The following SEPTIN14 variants were observed in gnomAD, a reference collection of about 807,000 sequenced individuals.
SEPTIN14 encodes septin-14.
A neutral mutation model predicts 53.6 loss-of-function variants in SEPTIN14; 40 were observed. That is an observed-to-expected ratio of 0.75 (90% CI 0.58 to 0.97). SEPTIN14 has a LOEUF of 0.97. SEPTIN14 is among the 50% of genes least tolerant of loss of function. SEPTIN14 has a pLI of 0.00. For missense variants in SEPTIN14, 471 were observed against 508.2 expected (o/e 0.93, Z 0.70); for synonymous variants, 138 against 166.8 (o/e 0.83, Z 1.33).
chr7:55,837,290 T>C (rs2116038008), intron 5 of SEPTIN14, among the ~76,000 whole-genome samples: 1 of 152,042 alleles, frequency 6.6e-6, no homozygotes, highest in South Asian at 2.1e-4. Context: ...TATTTTTTTG[T>C]ATTTTTTGTA....
intron 6 of SEPTIN14, among the ~76,000 whole-genome samples, chr7:55,822,375 A>G (rs1276919003): frequency 6.6e-6 from 1 of 152,224 alleles, no homozygotes; most frequent in African/African-American, 2.4e-5. Context: ...AAATTTCACC[A>G]AATTATTTTG....
At chr7:55,819,021 C>A in intron 7 of SEPTIN14, 106 bp downstream of exon 7, 1 of 673,652 alleles carries the variant, frequency 1.5e-6, no homozygotes, top group South Asian at 1.8e-5. Context: ...TACAGATTAG[C>A]AAGAGTTACC....
At chr7:55,800,297 G>T (rs529077535) in intron 9 of SEPTIN14, among the ~76,000 whole-genome samples, 20 of 152,156 alleles carry the variant, frequency 1.3e-4, no homozygotes, top group Admixed American at 1.3e-3. Flanking sequence ...AACTTCACAC[G>T]TTCTCACTTA....
chr7:55,801,020 T>C (rs973374770), intron 9 of SEPTIN14, among the ~76,000 whole-genome samples: 28 of 151,940 alleles, frequency 1.8e-4, no homozygotes, highest in African/African-American at 6.5e-4. Context: ...CAAATGAAGA[T>C]AAAAAACAAC....
intron 1 of SEPTIN14, 97 bp from the exon 2 acceptor site, chr7:55,862,108 T>G (rs1449833447): frequency 3.6e-5 from 25 of 704,006 alleles, no homozygotes; most frequent in Middle Eastern, 7.6e-4. Flanking sequence ...ATATGGGTAT[T>G]TTTGCAAGCT....
At chr7:55,818,050 C>T (rs1323971395) in intron 7 of SEPTIN14, among the ~76,000 whole-genome samples, 7 of 151,972 alleles carry the variant, frequency 4.6e-5, no homozygotes, top group African/African-American at 1.7e-4. Context: ...TTTTATGTAT[C>T]AACATATAGT....
intron 6 of SEPTIN14, among the ~76,000 whole-genome samples, chr7:55,821,458 CA>C (rs1417533191): frequency 6.6e-6 from 1 of 151,952 alleles, no homozygotes; most frequent in African/African-American, 2.4e-5. Context: ...AAAACCCATT[CA>C]AAAAATTATA....
chr7:55,807,778 ATG>A (rs1242084825), intron 7 of SEPTIN14, among the ~76,000 whole-genome samples: 4 of 152,326 alleles, frequency 2.6e-5, no homozygotes, highest in African/African-American at 9.6e-5. Flanking sequence ...AGCTGTTTTA[ATG>A]ATACATACAG....
intron 6 of SEPTIN14, among the ~76,000 whole-genome samples, chr7:55,833,332 A>G (rs1789144593): frequency 6.6e-6 from 1 of 151,880 alleles, no homozygotes; most frequent in African/African-American, 2.4e-5. Flanking sequence ...AAAGATCTCA[A>G]ATAAACAACC....
chr7:55,798,440 G>A lies in SEPTIN14; in HGVS notation c.1120-2348C>T, dbSNP rs1035568689. The A allele has an allele frequency of 2.0e-4, 52 of 261,860 alleles. 2 individuals carry two copies. The highest frequency in any genetic ancestry group is 2.0e-3 in the South Asian group (44 of 22,446). The allele number at this position is 261,860 out of a possible 1,614,324, so 16.2% of individuals were successfully genotyped here. A position where few individuals can be genotyped will look rare whatever the true frequency, so the allele number is the denominator to read the frequency against. On this transcript the variant is annotated intron_variant, in intron 9 of 9. Coordinates refer to ENST00000388975, the MANE Select transcript of SEPTIN14 (RefSeq NM_207366.3). ...CTCAGGGGAGCCCCTGCTGGACAGT[G>A]AGACAGAGAATGACCACAATGATGC... is the stretch of plus-strand genomic sequence containing the variant.
intron 9 of SEPTIN14, chr7:55,798,319 G>T: frequency 3.1e-6 from 1 of 327,504 alleles, no homozygotes; most frequent in Non-Finnish European, 5.5e-6. Context: ...GAAGCCACCT[G>T]CCCTGAAAGC....
intron 7 of SEPTIN14, among the ~76,000 whole-genome samples, chr7:55,813,499 C>T (rs1788741083): frequency 6.6e-6 from 1 of 152,098 alleles, no homozygotes; most frequent in African/African-American, 2.4e-5. Context: ...CCAAGGAGTG[C>T]TTGTATCACA....
chr7:55,848,221 C>A, intron 2 of SEPTIN14, among the ~76,000 whole-genome samples: 1 of 152,118 alleles, frequency 6.6e-6, no homozygotes, highest in East Asian at 1.9e-4. Context: ...TTGCAGTAAG[C>A]TGAGATCTCG....
intron 6 of SEPTIN14, among the ~76,000 whole-genome samples, chr7:55,828,835 G>A (rs1007629278): frequency 1.3e-5 from 2 of 151,882 alleles, no homozygotes; most frequent in African/African-American, 2.4e-5. Context: ...GGTATTTTCC[G>A]AGCTTCTCGT....
chr7:55,800,497 G>A (rs1171997879), intron 9 of SEPTIN14, among the ~76,000 whole-genome samples: 3 of 152,080 alleles, frequency 2.0e-5, no homozygotes, highest in Non-Finnish European at 4.4e-5. Flanking sequence ...GGTGGCACAT[G>A]CCTGTAATCC....
intron 5 of SEPTIN14, among the ~76,000 whole-genome samples, chr7:55,837,245 A>C (rs1789227570): frequency 6.6e-6 from 1 of 151,668 alleles, no homozygotes; most frequent in Non-Finnish European, 1.5e-5. Context: ...CCTCCTGAGT[A>C]GCTGGAACTA....
intron 9 of SEPTIN14, among the ~76,000 whole-genome samples, chr7:55,803,518 A>G (rs1202690722): frequency 1.3e-5 from 2 of 152,224 alleles, no homozygotes; most frequent in Admixed American, 1.3e-4. Flanking sequence ...TCATTAAGCA[A>G]CTGAAAATAG....
rs141275890 is a variant in SEPTIN14, at chr7:55,853,387, T to A, written c.55-6750A>T. Reference sequence around the variant, plus strand: ...ATCTTGTTATTTCCAACAACATGGATGGAACCTAACATTATGTTAAGTGAA... The same window carrying A: ...ATCTTGTTATTTCCAACAACATGGAAGGAACCTAACATTATGTTAAGTGAA... On this transcript the variant is annotated intron_variant, in intron 2 of 9. Coordinates refer to ENST00000388975, the MANE Select transcript of SEPTIN14 (RefSeq NM_207366.3). 3.6e-3 allele frequency among the ~76,000 whole-genome samples: 555 copies of A among 152,284 alleles called. 2 individuals are homozygous for A. The highest frequency in any genetic ancestry group is 0.013 in the African/African-American group (528 of 41,572).
rs763927815 is a variant in SEPTIN14, at chr7:55,838,599, C to T, written c.559-4013G>A. ...TCTCTTTCGCTCTCTTTTCTTTCAA[C>T]GGGGACTTGCTCTATTGCCCAGGCT... On this transcript the variant is annotated intron_variant, in intron 5 of 9. Coordinates refer to ENST00000388975, the MANE Select transcript of SEPTIN14 (RefSeq NM_207366.3). Among the ~76,000 whole-genome samples the T allele has an allele frequency of 1.1e-4, 16 of 140,640 alleles. No individual in the cohort carries two copies. In the East Asian group the frequency reaches 1.6e-3, roughly 14 times the overall value. 92.3% of individuals were successfully genotyped at this position (140,640 alleles called of 152,430 possible).
Sources: allele counts gnomAD v4.1 joint callset (sites outside exome capture counted in the v4.1 genomes callset), GRCh38; gene constraint gnomAD v4.1.1; transcripts MANE v1.5; gene names NCBI Gene and HGNC (gene_info 2026-07-23, HGNC 2026-07-21).